DYNC2H1: variants seen among roughly 807,000 people sequenced by gnomAD.
DYNC2H1 encodes the protein cytoplasmic dynein 2 heavy chain 1.
DYNC2H1 carries 410 observed loss-of-function variants against 570.0 expected under a neutral mutation model. That is an observed-to-expected ratio of 0.72 (90% CI 0.66 to 0.78). DYNC2H1 has a LOEUF of 0.78. DYNC2H1 is among the 30% of genes least tolerant of loss of function. The pLI is 0.00. For synonymous variants in DYNC2H1, 1,688 were observed against 1,677.6 expected, an observed-to-expected ratio of 1.01 and a Z score of -0.15; for missense variants, 4,865 against 5,046.4, an observed-to-expected ratio of 0.96 and a Z score of 1.09.
At chr11:103,365,776 C>G (rs1278891956) in intron 83 of DYNC2H1, among the ~76,000 whole-genome samples, 1 of 152,198 alleles carries the variant, frequency 6.6e-6, no homozygotes, top group East Asian at 1.9e-4. Flanking sequence ...AAACCTACAT[C>G]TTTGGCTTTA....
Position 103,239,957 on chromosome 11 carries a change from T to C in DYNC2H1, c.9819+3418T>C, listed in dbSNP as rs115616022. On this transcript the variant is annotated intron_variant, in intron 63 of 88. Coordinates refer to ENST00000375735, the MANE Select transcript of DYNC2H1 (RefSeq NM_001377.3). The surrounding 1 kb of genome is among the most constrained non-coding windows in gnomAD (Gnocchi z 4.3). ...TGAACTCTTGACCTACAGTTCTAAC[T>C]ACCTGTTAGATATTTTTACCCATTC... Among the ~76,000 whole-genome samples, 374 of 152,236 alleles carry C rather than the reference T, an allele frequency of 2.5e-3. 1 individual carries two copies. The highest frequency in any genetic ancestry group is 8.2e-3 in the African/African-American group (339 of 41,556).
rs994432094 is a variant in DYNC2H1, at chr11:103,244,118, A to G, written c.9918+327A>G. 2.0e-5 allele frequency among the ~76,000 whole-genome samples: 3 copies of G among 152,116 alleles called. No individual in the cohort carries two copies. On this transcript the variant is annotated intron_variant, in intron 64 of 88. Coordinates refer to ENST00000375735, the MANE Select transcript of DYNC2H1 (RefSeq NM_001377.3). The surrounding 1 kb of genome is among the most constrained non-coding windows in gnomAD (Gnocchi z 4.3). Reference sequence around the variant, plus strand: ...TGACACAAGTATAAGCTGCTGTAGAAGTAGGAGCTTTTAAGTTAGCTTGGA... The same window carrying G: ...TGACACAAGTATAAGCTGCTGTAGAGGTAGGAGCTTTTAAGTTAGCTTGGA...
Position 103,257,722 on chromosome 11 carries a change from C to CT in DYNC2H1, c.10580dup (p.Gln3528ProfsTer11). The CT allele has an allele frequency of 6.2e-7, 1 of 1,603,180 alleles. No homozygotes were observed. Among genetic ancestry groups the CT allele is most frequent in the Non-Finnish European group, 8.5e-7 (1 of 1,174,352 alleles). ...TTTTAGTTTGGCTGCTTTTCTCCGACTTTTCCAACGAGCTCTACAAAACAA... is the reference window on the plus strand; with the variant it reads ...TTTTAGTTTGGCTGCTTTTCTCCGACTTTTTCCAACGAGCTCTACAAAACAA... On this transcript the variant is annotated frameshift_variant, in exon 69 of 89. Transcript: ENST00000375735. LOFTEE classifies it high-confidence loss of function.
chr11:103,111,106 G>C (rs1039306010), intron 1 of DYNC2H1, among the ~76,000 whole-genome samples: 1 of 152,218 alleles, frequency 6.6e-6, no homozygotes, highest in Admixed American at 6.5e-5. Flanking sequence ...GATTACAGGT[G>C]TGTGCCACCG....
chr11:103,437,175 AGCT>A (rs1555132222), intron 85 of DYNC2H1, among the ~76,000 whole-genome samples: 2 of 152,124 alleles, frequency 1.3e-5, no homozygotes, highest in Non-Finnish European at 2.9e-5. Context: ...AGAAAATTCA[AGCT>A]GTGAGATATG....
chr11:103,273,808 G>A (rs990127697), intron 70 of DYNC2H1, among the ~76,000 whole-genome samples: 20 of 152,228 alleles, frequency 1.3e-4, no homozygotes, highest in African/African-American at 4.8e-4. Context: ...GTGCTGCGAT[G>A]TGATTGAGCA....
At chr11:103,248,337 G>A (rs1285460505) in intron 65 of DYNC2H1, among the ~76,000 whole-genome samples, 2 of 151,868 alleles carry the variant, frequency 1.3e-5, no homozygotes, top group African/African-American at 4.8e-5. Flanking sequence ...CCTATATGGA[G>A]GTTCTCATGG....
At chr11:103,248,838 G>A (rs1006896009) in intron 65 of DYNC2H1, among the ~76,000 whole-genome samples, 9 of 151,936 alleles carry the variant, frequency 5.9e-5, no homozygotes, top group Non-Finnish European at 1.0e-4. Flanking sequence ...ATATATCCAT[G>A]TATCCAAGCA....
Position 103,129,066 on chromosome 11 carries a change from T to G in DYNC2H1, c.1953+61T>G, listed in dbSNP as rs1016679925. 7.1e-7 allele frequency: 1 copy of G among 1,401,538 alleles called. No homozygotes were observed. The highest frequency in any genetic ancestry group is 1.5e-5 in the African/African-American group (1 of 68,586). 86.8% of individuals were successfully genotyped at this position (1,401,538 alleles called of 1,614,324 possible). On this transcript the variant is annotated intron_variant, in intron 13 of 88. Transcript: ENST00000375735. This position sits in a 1 kb window ranked among gnomAD's most constrained non-coding sequence, Gnocchi z 4.1. ...TACATGTGAAGTGTTTAATTCTTAA[T>G]TTTCCGGTGTTCCCTTCAGCTTAAT...
chr11:103,292,715 C>G (rs1866665597), intron 75 of DYNC2H1, among the ~76,000 whole-genome samples: 1 of 152,150 alleles, frequency 6.6e-6, no homozygotes, highest in South Asian at 2.1e-4. Context: ...GTGGCACCAC[C>G]CTCCCTACTC....
At chr11:103,168,999 A>G in intron 32 of DYNC2H1, 39 bp downstream of exon 32, 3 of 1,501,658 alleles carry the variant, frequency 2.0e-6, no homozygotes, top group Non-Finnish European at 2.7e-6. Flanking sequence ...CCAATTAGAA[A>G]TTATTTACTG....
intron 13 of DYNC2H1, among the ~76,000 whole-genome samples, chr11:103,130,041 G>A (rs151150526): frequency 1.5e-4 from 23 of 152,104 alleles, no homozygotes; most frequent in African/African-American, 4.8e-4. Flanking sequence ...AAGAAAACAG[G>A]TACGAACTTC....
intron 84 of DYNC2H1, among the ~76,000 whole-genome samples, chr11:103,420,814 A>G (rs981489881): frequency 6.6e-6 from 1 of 152,206 alleles, no homozygotes; most frequent in African/African-American, 2.4e-5. Flanking sequence ...GAGAAACCAC[A>G]TAAACAAGTA....
At chr11:103,350,212 T>C (rs140651226) in intron 82 of DYNC2H1, among the ~76,000 whole-genome samples, 156 of 152,260 alleles carry the variant, frequency 1.0e-3, no homozygotes, top group African/African-American at 3.6e-3. Flanking sequence ...CCCAAATCAT[T>C]AAAATAGAAT....
chr11:103,192,282 A>G lies in DYNC2H1; in HGVS notation c.7708+18A>G. On this transcript the variant is annotated intron_variant, in intron 47 of 88. Coordinates refer to ENST00000375735, the MANE Select transcript of DYNC2H1 (RefSeq NM_001377.3). ...TATGTCAGGTAAGGTAATAGAGCTT[A>G]TGCAAATACATAACTATTACAAGGA... is the stretch of plus-strand genomic sequence containing the variant. The G allele has an allele frequency of 6.9e-7, 1 of 1,458,072 alleles. No individual in the cohort carries two copies. Among genetic ancestry groups the G allele is most frequent in the Non-Finnish European group, 9.2e-7 (1 of 1,089,188 alleles). The allele number at this position is 1,458,072 out of a possible 1,614,324, so 90.3% of individuals were successfully genotyped here. A position where few individuals can be genotyped will look rare whatever the true frequency, so the allele number is the denominator to read the frequency against.
chr11:103,177,967 G>A lies in DYNC2H1; in HGVS notation c.6139+147G>A, dbSNP rs1861695598. The stretch of plus-strand genomic sequence containing the variant: ...TGATGTACATTTGATATTTTACTTT[G>A]GAGGGGGCCAAGACATGCTATCATT... On this transcript the variant is annotated intron_variant, in intron 38 of 88. Coordinates refer to ENST00000375735, the MANE Select transcript of DYNC2H1 (RefSeq NM_001377.3). This position sits in a 1 kb window ranked among gnomAD's most constrained non-coding sequence, Gnocchi z 4.4. 1.1e-6 allele frequency: 1 copy of A among 907,492 alleles called. No homozygotes were observed. Among genetic ancestry groups the A allele is most frequent in the African/African-American group, 1.8e-5 (1 of 56,358 alleles). The allele number at this position is 907,492 out of a possible 1,614,324, so 56.2% of individuals were successfully genotyped here.
intron 20 of DYNC2H1, among the ~76,000 whole-genome samples, chr11:103,149,593 A>G (rs1235679372): frequency 6.6e-6 from 1 of 152,212 alleles, no homozygotes; most frequent in Non-Finnish European, 1.5e-5. Context: ...TGAATAAAAT[A>G]ATGTATCCGT....
At position 103,198,022 on chromosome 11, in the gene DYNC2H1, G is replaced by T; in HGVS notation, c.7798G>T (p.Gly2600Ter). The T allele has an allele frequency of 6.4e-7, 1 of 1,554,084 alleles. No homozygotes were observed. ...ATTACCTCCACATGGAAAACCACTTGGAAAACTAAACTCTACTGATCTCAA... is the reference window on the plus strand; with the variant it reads ...ATTACCTCCACATGGAAAACCACTTTGAAAACTAAACTCTACTGATCTCAA... ...QPLPPHGKPL[G>*]KLNSTDLKDV... The change falls in exon 48 of 89, where the codon GGA (glycine) becomes TGA (stop). Residue 2600 changes from glycine (G) to a stop codon, truncating the protein, a stop_gained. Coordinates refer to ENST00000375735, the MANE Select transcript of DYNC2H1 (RefSeq NM_001377.3). LOFTEE classifies it high-confidence loss of function.
intron 88 of DYNC2H1, among the ~76,000 whole-genome samples, chr11:103,469,339 A>G (rs1945295851): frequency 6.6e-6 from 1 of 152,234 alleles, no homozygotes; most frequent in Non-Finnish European, 1.5e-5. Context: ...CAAATAGGAC[A>G]TAGTTGTAAA....
Sources: allele counts gnomAD v4.1 joint callset (sites outside exome capture counted in the v4.1 genomes callset), GRCh38; gene constraint gnomAD v4.1.1; non-coding constraint Gnocchi (gnomAD v3.1); transcripts MANE v1.5; gene names NCBI Gene and HGNC (gene_info 2026-07-23, HGNC 2026-07-21).